Variants in NEGR1 observed in about 807,000 individuals in gnomAD.
The protein encoded by NEGR1 is IgLON family member 4.
NEGR1 carries 10 observed loss-of-function variants against 40.9 expected under a neutral mutation model. The ratio of observed to expected loss-of-function variants is 0.24; its 90% CI spans 0.15 to 0.42. The LOEUF (loss-of-function observed/expected upper bound fraction) is 0.42. NEGR1 is among the 10% of genes least tolerant of loss of function. The probability of loss-of-function intolerance (pLI) is 1.00; values close to 1 mark genes in which losing one functional copy is unlikely to be tolerated. For missense variants in NEGR1, 352 were observed against 438.9 expected (o/e 0.80, Z 1.77); for synonymous variants, 185 against 166.8 (o/e 1.11, Z -0.84).
chr1:71,888,447 A>G (rs955077362), intron 2 of NEGR1, among the ~76,000 whole-genome samples: 2 of 152,082 alleles, frequency 1.3e-5, no homozygotes, highest in African/African-American at 2.4e-5. Flanking sequence ...AGTCAAAGAA[A>G]GGGGTGACGG....
At chr1:71,486,546 G>T (rs1646889207) in intron 6 of NEGR1, 1 of 151,300 alleles carries the variant, frequency 6.6e-6, no homozygotes, top group African/African-American at 2.4e-5. Flanking sequence ...TGACAATTAG[G>T]TTCAAATATC....
At chr1:71,663,812 A>G (rs2101592950) in intron 4 of NEGR1, among the ~76,000 whole-genome samples, 1 of 152,330 alleles carries the variant, frequency 6.6e-6, no homozygotes, top group South Asian at 2.1e-4. Context: ...ATATTATTGA[A>G]GGACTAGGTT....
chr1:71,916,239 T>C (rs540577318), intron 2 of NEGR1, among the ~76,000 whole-genome samples: 3 of 152,214 alleles, frequency 2.0e-5, no homozygotes, highest in Admixed American at 2.0e-4. Flanking sequence ...TCTATTAATA[T>C]TATAATTTTA....
Position 71,399,482 on chromosome 1 carries a change from CCTTATGCTAACGTCTTAGCAAATAAAA to C in NEGR1, c.*7937_*7963del, listed in dbSNP as rs1646232740. 1 of 152,146 alleles carries C rather than the reference CCTTATGCTAACGTCTTAGCAAATAAAA, an allele frequency of 6.6e-6. No homozygotes were observed. Among genetic ancestry groups the C allele is most frequent in the African/African-American group, 2.4e-5 (1 of 41,442 alleles). 9.4% of individuals were successfully genotyped at this position (152,146 alleles called of 1,614,324 possible). On this transcript the variant is annotated 3_prime_UTR_variant, in exon 7 of 7. Transcript: ENST00000357731. ...CTGATTAATTAAATCACAAGATGTT[CCTTATGCTAACGTCTTAGCAAATAAAA>C]CTTAAACAGAAACTGTTGGTTGCAC...
At chr1:71,481,978 C>T (rs1449748842) in intron 6 of NEGR1, among the ~76,000 whole-genome samples, 2 of 151,742 alleles carry the variant, frequency 1.3e-5, no homozygotes, top group African/African-American at 4.8e-5. Context: ...TAGCCTAATT[C>T]TAAAGACCAG....
At chr1:71,486,237 G>C (rs768632837) in intron 6 of NEGR1, among the ~76,000 whole-genome samples, 1 of 151,490 alleles carries the variant, frequency 6.6e-6, no homozygotes, top group East Asian at 1.9e-4. Flanking sequence ...ATTTGACATG[G>C]TATATTTTTT....
chr1:71,679,951 T>C (rs1040872513), intron 4 of NEGR1, among the ~76,000 whole-genome samples: 48 of 152,154 alleles, frequency 3.2e-4, no homozygotes, highest in Non-Finnish European at 4.1e-4. Context: ...TAATCTGTAA[T>C]GTAACTCAGC....
intron 3 of NEGR1, among the ~76,000 whole-genome samples, chr1:71,775,921 A>G (rs1021490712): frequency 1.3e-5 from 2 of 151,618 alleles, no homozygotes; most frequent in African/African-American, 4.8e-5. Flanking sequence ...TGAACCTGGG[A>G]GGCGGAGGTT....
rs187172863 is a variant in NEGR1 at position 71,547,656 on chromosome 1, T to C, written c.940+45161A>G. Among the ~76,000 whole-genome samples, 401 of 151,790 alleles carry C rather than the reference T, an allele frequency of 2.6e-3. 1 individual carries two copies. The highest frequency in any genetic ancestry group is 6.8e-3 in the Middle Eastern group (2 of 294). Reference sequence around the variant, plus strand: ...GTGTGGCCCCAGACAGAAGTGAAGATTTCATGCACATTTTGGAAAATTGAC... The same window carrying C: ...GTGTGGCCCCAGACAGAAGTGAAGACTTCATGCACATTTTGGAAAATTGAC... On this transcript the variant is annotated intron_variant, in intron 6 of 6. Transcript: ENST00000357731.
Position 71,865,023 on chromosome 1 carries a change from C to G in NEGR1, c.409+70056G>C, listed in dbSNP as rs1453801789. ...TCATTGAGGCAGTTTTTAGAGAGGA[C>G]AGTTTCTAACAAGTTTTTCAATGAA... is the stretch of plus-strand genomic sequence containing the variant. On this transcript the variant is annotated intron_variant, in intron 2 of 6. Coordinates refer to ENST00000357731, the MANE Select transcript of NEGR1 (RefSeq NM_173808.3). Among the ~76,000 whole-genome samples, 3 of 152,050 alleles carry G rather than the reference C, an allele frequency of 2.0e-5. No individual in the cohort carries two copies. In the East Asian group the frequency reaches 5.8e-4, roughly 29 times the overall value.
At chr1:71,791,054 G>A (rs192725086) in intron 2 of NEGR1, among the ~76,000 whole-genome samples, 40 of 151,832 alleles carry the variant, frequency 2.6e-4, no homozygotes, top group African/African-American at 9.2e-4. Flanking sequence ...GGAGAGAAAT[G>A]GAATTTCTTC....
chr1:71,659,063 T>A (rs548514649), intron 4 of NEGR1, among the ~76,000 whole-genome samples: 1 of 152,266 alleles, frequency 6.6e-6, no homozygotes, highest in African/African-American at 2.4e-5. Context: ...GACCATTGGG[T>A]TGAGGTAGAA....
At chr1:71,725,885 C>CT (rs1160479808) in intron 3 of NEGR1, among the ~76,000 whole-genome samples, 2 of 152,052 alleles carry the variant, frequency 1.3e-5, no homozygotes, top group Non-Finnish European at 2.9e-5. Context: ...GAAGAATTGA[C>CT]TTTATCTGCT....
intron 2 of NEGR1, chr1:71,794,238 T>A (rs1657234162): frequency 6.6e-6 from 1 of 152,204 alleles, no homozygotes; most frequent in African/African-American, 2.4e-5. Flanking sequence ...ACAATTACAT[T>A]AAATTCCATT....
intron 1 of NEGR1, among the ~76,000 whole-genome samples, chr1:72,240,743 A>AAAAGTT (rs1654705419): frequency 6.6e-6 from 1 of 151,840 alleles, no homozygotes; most frequent in Admixed American, 6.6e-5. Context: ...AAGTTAGCCA[A>AAAAGTT]AGCTTTTGTA....
At chr1:71,606,473 T>C (rs1235997062) in intron 5 of NEGR1, among the ~76,000 whole-genome samples, 1 of 152,216 alleles carries the variant, frequency 6.6e-6, no homozygotes, top group Non-Finnish European at 1.5e-5. Context: ...CTGCTTGAGA[T>C]AGTTAGTGCT....
At chr1:71,908,840 T>G (rs901212339) in intron 2 of NEGR1, among the ~76,000 whole-genome samples, 1 of 152,196 alleles carries the variant, frequency 6.6e-6, no homozygotes. Context: ...ACTTCCCGTG[T>G]TATTTTTTGT....
At chr1:71,852,620 T>C in intron 2 of NEGR1, among the ~76,000 whole-genome samples, 1 of 152,028 alleles carries the variant, frequency 6.6e-6, no homozygotes, top group South Asian at 2.1e-4. Context: ...CTGTTTTGTT[T>C]TGTTTTGTTT....
chr1:72,229,681 T>C (rs574671499), intron 1 of NEGR1, among the ~76,000 whole-genome samples: 1 of 151,856 alleles, frequency 6.6e-6, no homozygotes, highest in East Asian at 1.9e-4. Context: ...AGTTGATTTA[T>C]AAAGAGATCT....
Sources: gnomAD v4.1 joint callset for allele counts (sites outside exome capture counted in the v4.1 genomes callset) on GRCh38, gnomAD v4.1.1 for gene constraint, MANE v1.5 for transcripts, NCBI Gene and HGNC (gene_info 2026-07-23, HGNC 2026-07-21) for gene names.